Variants in PCDHA8 observed in about 807,000 individuals in gnomAD.
PCDHA8 encodes protocadherin alpha-8.
PCDHA8 carries 53 observed loss-of-function variants against 61.8 expected under a neutral mutation model. The observed-to-expected ratio is 0.86, with a 90% CI of 0.69 to 1.08. PCDHA8 has a LOEUF of 1.08. Among genes scored for constraint, PCDHA8 ranks in the 50% least tolerant of loss-of-function variants. PCDHA8 has a pLI of 0.00. For synonymous variants in PCDHA8, 618 were observed against 556.6 expected, an observed-to-expected ratio of 1.11 and a Z score of -1.55; for missense variants, 1,293 against 1,245.0, an observed-to-expected ratio of 1.04 and a Z score of -0.58.
chr5:140,907,083 G>T (rs770380704), intron 1 of PCDHA8, among the ~76,000 whole-genome samples: 56 of 152,144 alleles, frequency 3.7e-4, no homozygotes, highest in Non-Finnish European at 7.1e-4. Context: ...AGGGGTGATG[G>T]TAAGTGGTGC....
chr5:140,987,579 G>A (rs1587244490), intron 3 of PCDHA8, among the ~76,000 whole-genome samples: 1 of 152,280 alleles, frequency 6.6e-6, no homozygotes, highest in East Asian at 1.9e-4. Flanking sequence ...TCTATAAAAT[G>A]GGGAGAATAG....
At chr5:140,994,433 T>G (rs2097622592) in intron 3 of PCDHA8, among the ~76,000 whole-genome samples, 1 of 152,204 alleles carries the variant, frequency 6.6e-6, no homozygotes, top group African/African-American at 2.4e-5. Flanking sequence ...CCGGGCGCAG[T>G]GGCTCACACC....
intron 3 of PCDHA8, among the ~76,000 whole-genome samples, chr5:140,994,234 C>A (rs1285846864): frequency 4.6e-5 from 7 of 152,146 alleles, no homozygotes; most frequent in South Asian, 2.1e-4. Flanking sequence ...ATGTTATAAT[C>A]AATTCAAACC....
At chr5:140,879,026 A>G (rs1381722750) in intron 1 of PCDHA8, among the ~76,000 whole-genome samples, 2 of 152,234 alleles carry the variant, frequency 1.3e-5, no homozygotes, top group Non-Finnish European at 2.9e-5. Context: ...GTTTTATTGA[A>G]GAGTGTCTTG....
chr5:140,848,780 G>C, intron 1 of PCDHA8: 3 of 1,593,474 alleles, frequency 1.9e-6, no homozygotes, highest in South Asian at 1.1e-5. Flanking sequence ...GCGAGGAGCT[G>C]TGCGGGCGGA....
In PCDHA8 at chr5:140,855,439, C is replaced by A. The variant is rs190954774; in HGVS notation, c.2394+11724C>A. On this transcript the variant is annotated intron_variant, in intron 1 of 3. Coordinates refer to ENST00000531613, the MANE Select transcript of PCDHA8 (RefSeq NM_018911.3). ...CTCTAAATTCTAGTGATGACTAGAT[C>A]TTCGGAGTTATAAACACCTCACAGA... Among the ~76,000 whole-genome samples the A allele has an allele frequency of 4.7e-5, 7 of 149,934 alleles. 1 individual carries two copies. The Admixed American group carries it at 4.7e-4, about 10-fold the overall frequency.
chr5:140,870,524 T>C (rs1554164360), intron 1 of PCDHA8: 35 of 1,614,076 alleles, frequency 2.2e-5, no homozygotes, highest in Non-Finnish European at 2.8e-5. Context: ...TGCCACATCT[T>C]CACAGTGTCG....
intron 3 of PCDHA8, among the ~76,000 whole-genome samples, chr5:140,985,406 GA>G (rs1554247033): frequency 6.6e-6 from 1 of 152,136 alleles, no homozygotes; most frequent in Non-Finnish European, 1.5e-5. Flanking sequence ...TGTTCCCCTG[GA>G]AATGGAGTGA....
intron 1 of PCDHA8, among the ~76,000 whole-genome samples, chr5:140,941,256 T>TTTCTTTCTTTCTTTCA (rs2092982969): frequency 2.2e-5 from 1 of 45,974 alleles, no homozygotes. Flanking sequence ...TCTTTCTTTC[T>TTTCTTTCTTTCTTTCA]CTTTCTTTCT....
intron 1 of PCDHA8, among the ~76,000 whole-genome samples, chr5:140,926,112 A>G (rs556372882): frequency 3.3e-4 from 51 of 152,258 alleles, no homozygotes; most frequent in African/African-American, 1.2e-3. Context: ...AAGAGGGTGC[A>G]GGACAGACTT....
intron 1 of PCDHA8, among the ~76,000 whole-genome samples, chr5:140,910,829 C>G (rs938702955): frequency 6.6e-6 from 1 of 152,184 alleles, no homozygotes; most frequent in Non-Finnish European, 1.5e-5. Flanking sequence ...TAAATTCAGC[C>G]TGATCCAATG....
intron 3 of PCDHA8, among the ~76,000 whole-genome samples, chr5:141,009,291 T>G (rs115348370): frequency 2.9e-3 from 436 of 152,228 alleles, no homozygotes; most frequent in African/African-American, 9.9e-3. Flanking sequence ...CCCATTTCTA[T>G]AAAATTTTTT....
intron 1 of PCDHA8, chr5:140,930,126 C>T (rs1286889846): frequency 6.6e-6 from 1 of 152,108 alleles, no homozygotes; most frequent in Non-Finnish European, 1.5e-5. Flanking sequence ...GGATATAGGA[C>T]TTGACAACCT....
chr5:140,910,958 C>G (rs571427431), intron 1 of PCDHA8, among the ~76,000 whole-genome samples: 2 of 152,220 alleles, frequency 1.3e-5, no homozygotes, highest in East Asian at 3.9e-4. Context: ...TCGAGTGTAG[C>G]ACACCTCCTC....
In PCDHA8 at chr5:140,990,870, T is replaced by G. The variant is rs550033552; in HGVS notation, c.2542+8307T>G. Among the ~76,000 whole-genome samples, 16 of 152,274 alleles carry G rather than the reference T, an allele frequency of 1.1e-4. No individual in the cohort carries two copies. The South Asian group carries it at 3.3e-3, about 32-fold the overall frequency. On this transcript the variant is annotated intron_variant, in intron 3 of 3. Coordinates refer to ENST00000531613, the MANE Select transcript of PCDHA8 (RefSeq NM_018911.3). ...AGCCCTGAGGACATTGTATTTTAAG[T>G]GTATGTTCCAGTGAGTGGGTCGTTG...
intron 1 of PCDHA8, among the ~76,000 whole-genome samples, chr5:140,961,425 T>G (rs2095610907): frequency 6.6e-6 from 1 of 152,226 alleles, no homozygotes; most frequent in Admixed American, 6.5e-5. Context: ...TTTAAACAAT[T>G]ACAAAATCAC....
At chr5:140,855,306 T>C (rs2043421281) in intron 1 of PCDHA8, among the ~76,000 whole-genome samples, 1 of 149,750 alleles carries the variant, frequency 6.7e-6, no homozygotes, top group Admixed American at 6.7e-5. Context: ...AGTTATAAAA[T>C]TGGAACATGA....
chr5:141,000,419 A>T (rs1394449061), intron 3 of PCDHA8, among the ~76,000 whole-genome samples: 972 of 60,664 alleles, frequency 0.016, 14 homozygotes, highest in African/African-American at 0.023. Flanking sequence ...ATATATATAT[A>T]TATTTTTTTT....
At chr5:140,906,917 C>T (rs2073040753) in intron 1 of PCDHA8, among the ~76,000 whole-genome samples, 1 of 152,114 alleles carries the variant, frequency 6.6e-6, no homozygotes, top group Non-Finnish European at 1.5e-5. Context: ...AGGAGGAGCC[C>T]AAAAAGTGTC....
Sources: gnomAD v4.1 joint callset for allele counts (sites outside exome capture counted in the v4.1 genomes callset) on GRCh38, gnomAD v4.1.1 for gene constraint, MANE v1.5 for transcripts, NCBI Gene and HGNC (gene_info 2026-07-23, HGNC 2026-07-21) for gene names.